The following TG variants were observed in gnomAD, a reference collection of about 807,000 sequenced individuals.
TG encodes the protein thyroid hormones.
TG carries 270 observed loss-of-function variants against 324.7 expected under a neutral mutation model. The observed-to-expected ratio is 0.83, with a 90% CI of 0.75 to 0.92. The LOEUF is 0.92. Among genes scored for constraint, TG ranks in the 40% least tolerant of loss-of-function variants. TG has a pLI of 0.00. For missense variants in TG, 3,591 were observed against 3,456.4 expected, an observed-to-expected ratio of 1.04 and a Z score of -0.98; for synonymous variants, 1,401 against 1,327.0, an observed-to-expected ratio of 1.06 and a Z score of -1.21.
intron 45 of TG, among the ~76,000 whole-genome samples, chr8:133,120,818 C>T (rs1851085718): frequency 6.6e-6 from 1 of 152,202 alleles, no homozygotes; most frequent in South Asian, 2.1e-4. Flanking sequence ...CATAACACTG[C>T]CTTTCTCTAA....
At position 132,887,530 on chromosome 8, in the gene TG, A is replaced by G; in HGVS notation, c.2158A>G (p.Ile720Val). The G allele has an allele frequency of 6.2e-7, 1 of 1,614,208 alleles. No individual in the cohort carries two copies. Among genetic ancestry groups the G allele is most frequent in the Non-Finnish European group, 8.5e-7 (1 of 1,180,042 alleles). ...GGCCATTCCTGGAACTCGAAGTGCA[A>G]TAGGGAAGCCCAAGAAATGTAAGTC... ...GQAIPGTRSA[I>V]GKPKKCPTPC... The change falls in exon 9 of 48, where the codon ATA (isoleucine) becomes GTA (valine). Residue 720 changes from isoleucine to valine, a missense_variant. Transcript: ENST00000220616.
At chr8:133,059,968 G>A (rs1158533290) in intron 41 of TG, 1 of 891,626 alleles carries the variant, frequency 1.1e-6, no homozygotes, top group East Asian at 2.9e-5. Context: ...CAAAACTAGA[G>A]AGACAGATAT....
chr8:132,967,708 AT>A, intron 30 of TG, 85 bp from the exon 31 acceptor site: 1 of 1,477,718 alleles, frequency 6.8e-7, no homozygotes, highest in African/African-American at 1.4e-5. Context: ...TCTACCAGGC[AT>A]TTCCCCACCC....
In TG at chr8:132,966,468, G is replaced by C. The variant is rs762240553; in HGVS notation, c.5549-92G>C. On this transcript the variant is annotated intron_variant, in intron 29 of 47. Coordinates refer to ENST00000220616, the MANE Select transcript of TG (RefSeq NM_003235.5). ...ACTTTCTCTCTCTGTCTCTCTCTCTGTGTGTGTGTGTGTGTGTGTTTCTTT... is the reference window on the plus strand; with the variant it reads ...ACTTTCTCTCTCTGTCTCTCTCTCTCTGTGTGTGTGTGTGTGTGTTTCTTT... The C allele has an allele frequency of 7.1e-4, 688 of 975,632 alleles. No individual in the cohort carries two copies. The highest frequency in any genetic ancestry group is 8.2e-4 in the Non-Finnish European group (544 of 666,320). 60.4% of individuals were successfully genotyped at this position (975,632 alleles called of 1,614,324 possible). A position where few individuals can be genotyped will look rare whatever the true frequency, so the allele number is the denominator to read the frequency against.
At chr8:133,047,846 C>G in intron 41 of TG, 2 of 1,600,142 alleles carry the variant, frequency 1.2e-6, no homozygotes. Context: ...TGGTCTCACT[C>G]TCTCTGATCA....
At chr8:132,899,144 C>T in intron 14 of TG, 1 of 568,292 alleles carries the variant, frequency 1.8e-6, no homozygotes, top group Non-Finnish European at 3.2e-6. Flanking sequence ...TTTGTCCTAG[C>T]TAATGCTAGG....
At chr8:133,102,199 C>A (rs1207950384) in intron 43 of TG, among the ~76,000 whole-genome samples, 1 of 152,234 alleles carries the variant, frequency 6.6e-6, no homozygotes, top group Non-Finnish European at 1.5e-5. Context: ...AACGTCCAAT[C>A]TCTGAACCAC....
chr8:133,067,032 G>A (rs950451339), intron 41 of TG, among the ~76,000 whole-genome samples: 2 of 152,190 alleles, frequency 1.3e-5, no homozygotes, highest in East Asian at 3.8e-4. Context: ...CCCAGTACCG[G>A]CACAATTGAC....
intron 35 of TG, among the ~76,000 whole-genome samples, chr8:133,008,619 A>C (rs9969622): frequency 0.25 from 37,371 of 152,092 alleles, 4,626 homozygotes; most frequent in Non-Finnish European, 0.26. Flanking sequence ...TCTGGAGGGG[A>C]AGTCTGTGAT....
chr8:133,055,363 G>GCACACA lies in TG; in HGVS notation c.7239+25341_7239+25342insACACAC, dbSNP rs1219639810. 7.9e-3 allele frequency among the ~76,000 whole-genome samples: 253 copies of GCACACA among 31,998 alleles called. 1 individual carries two copies. Among genetic ancestry groups the GCACACA allele is most frequent in the East Asian group, 0.029 (61 of 2,120 alleles). 21.0% of individuals were successfully genotyped at this position (31,998 alleles called of 152,430 possible). A position where few individuals can be genotyped will look rare whatever the true frequency, so the allele number is the denominator to read the frequency against. On this transcript the variant is annotated intron_variant, in intron 41 of 47. Transcript: ENST00000220616. ...ATCTTCAGGACACACACACGCACGC[G>GCACACA]CGCACACACACACACACACACACAC...
intron 41 of TG, among the ~76,000 whole-genome samples, chr8:133,054,414 A>G (rs1022662549): frequency 2.6e-5 from 4 of 152,234 alleles, no homozygotes; most frequent in Admixed American, 1.3e-4. Context: ...CTACACAGTG[A>G]TGCGATTTGG....
intron 34 of TG, among the ~76,000 whole-genome samples, chr8:132,981,843 G>A (rs769411289): frequency 1.4e-4 from 21 of 152,276 alleles, no homozygotes; most frequent in Non-Finnish European, 2.1e-4. Context: ...ATGATGCCAA[G>A]GGGAAAAGAC....
intron 22 of TG, among the ~76,000 whole-genome samples, chr8:132,925,516 C>CGTGTGTGT (rs139966752): frequency 0.085 from 12,229 of 144,600 alleles, 560 homozygotes; most frequent in Non-Finnish European, 0.092. Flanking sequence ...CTAAGGAGTG[C>CGTGTGTGT]GTGTGTGTGT....
In TG at chr8:133,034,558, G is replaced by A. The variant is rs192467251; in HGVS notation, c.7239+4535G>A. On this transcript the variant is annotated intron_variant, in intron 41 of 47. Coordinates refer to ENST00000220616, the MANE Select transcript of TG (RefSeq NM_003235.5). ...TCCTCGTTATTCTGCAAATAATGGC[G>A]GGTTTATTTCTATACCTATTGAAGC... Among the ~76,000 whole-genome samples the A allele has an allele frequency of 3.0e-4, 45 of 152,254 alleles. 1 individual carries two copies. The highest frequency in any genetic ancestry group is 9.8e-4 in the Admixed American group (15 of 15,296).
chr8:132,879,737 T>A (rs1294953910), intron 5 of TG, among the ~76,000 whole-genome samples: 2 of 152,108 alleles, frequency 1.3e-5, no homozygotes, highest in South Asian at 2.1e-4. Context: ...TGATCTCCAA[T>A]GTGCGGGAAG....
At position 132,867,205 on chromosome 8, in the gene TG, T is replaced by C. The variant is rs183131558; in HGVS notation, c.67+138T>C. Reference sequence around the variant, plus strand: ...CATGTCAGTGATTTGCTTTTTTTTTTTCAGATGAAGAGGCAGATTTAGAGA... The same window carrying C: ...CATGTCAGTGATTTGCTTTTTTTTTCTCAGATGAAGAGGCAGATTTAGAGA... On this transcript the variant is annotated intron_variant, in intron 1 of 47. Transcript: ENST00000220616. 49 of 792,532 alleles carry C rather than the reference T, an allele frequency of 6.2e-5. 1 individual carries two copies. In the African/African-American group the frequency reaches 8.4e-4, roughly 14 times the overall value. 49.1% of individuals were successfully genotyped at this position (792,532 alleles called of 1,614,324 possible).
At chr8:132,969,177 T>C (rs1829100156) in intron 31 of TG, among the ~76,000 whole-genome samples, 1 of 152,148 alleles carries the variant, frequency 6.6e-6, no homozygotes, top group South Asian at 2.1e-4. Flanking sequence ...ACAGAAAAGT[T>C]GAGTAGTTTT....
In TG at chr8:132,901,375, C is replaced by T. The variant is rs1199237724; in HGVS notation, c.3456C>T (p.Leu1152=). The stretch of plus-strand genomic sequence containing the variant: ...CAGGCCCAAGCCTCTGCAATGTGCT[C>T]AAGAGTGGAGTCCTCTCCAGGAGAG... ...SAQCPSLCNV[L]KSGVLSRRVS... The change falls in exon 16 of 48, where the codon CTC becomes CTT. Residue 1152 remains leucine, a synonymous_variant. Transcript: ENST00000220616. The T allele has an allele frequency of 1.2e-6, 2 of 1,614,170 alleles. No individual in the cohort carries two copies. Among genetic ancestry groups the T allele is most frequent in the Non-Finnish European group, 1.7e-6 (2 of 1,180,038 alleles).
chr8:133,072,350 C>A (rs1320038363), intron 41 of TG, among the ~76,000 whole-genome samples: 1 of 152,132 alleles, frequency 6.6e-6, no homozygotes, highest in Non-Finnish European at 1.5e-5. Flanking sequence ...TTATTTCCTT[C>A]GGAACTTGTA....
Sources: gnomAD v4.1 joint callset for allele counts (sites outside exome capture counted in the v4.1 genomes callset) on GRCh38, gnomAD v4.1.1 for gene constraint, MANE v1.5 for transcripts, NCBI Gene and HGNC (gene_info 2026-07-23, HGNC 2026-07-21) for gene names.